Variants in DNAJC8 observed in about 807,000 individuals in gnomAD.
DNAJC8 encodes the protein dnaJ homolog subfamily C member 8.
In DNAJC8, 24 loss-of-function variants were observed where a neutral mutation model predicts 43.2. The observed-to-expected ratio is 0.56, with a 90% CI of 0.40 to 0.78. DNAJC8 has a LOEUF of 0.78. Among genes scored for constraint, DNAJC8 ranks in the 30% least tolerant of loss-of-function variants. DNAJC8 has a pLI of 0.00. For synonymous variants in DNAJC8, 83 were observed against 98.0 expected (o/e 0.85, Z 0.90); for missense variants, 207 against 299.4 (o/e 0.69, Z 2.28).
intron 2 of DNAJC8, among the ~76,000 whole-genome samples, chr1:28,219,225 T>C (rs1646882322): frequency 6.6e-6 from 1 of 151,284 alleles, no homozygotes; most frequent in South Asian, 2.1e-4. Flanking sequence ...AACCCTAAAA[T>C]TGGCCAGGTG....
In DNAJC8 at chr1:28,208,366, A is replaced by G. The variant is rs756671653; in HGVS notation, c.447T>C (p.Ile149=). The G allele has an allele frequency of 1.9e-5, 30 of 1,613,510 alleles. 2 individuals are homozygous for G. The South Asian group carries it at 3.0e-4, about 16-fold the overall frequency. Residue 149 remains isoleucine, a synonymous_variant, in exon 6 of 9, where the codon ATT becomes ATC. Coordinates refer to ENST00000263697, the MANE Select transcript of DNAJC8 (RefSeq NM_014280.3). ...KQLKKEGKPT[I]VEEDDPELFK... is the part of the protein sequence containing the mutation. ...CCAGCTCAGGATCATCCTCCTCTAC[A>G]ATTGTAGGTTTTCCTTCCTTCTTTA...
At chr1:28,210,684 T>G in intron 3 of DNAJC8, 47 bp from the exon 4 acceptor site, 2 of 1,505,146 alleles carry the variant, frequency 1.3e-6, no homozygotes, top group Non-Finnish European at 1.8e-6. Context: ...AAACATTTAC[T>G]AACTTCCAGC....
At chr1:28,214,877 T>C (rs1646840224) in intron 3 of DNAJC8, 63 bp downstream of exon 3, 1 of 1,439,606 alleles carries the variant, frequency 6.9e-7, no homozygotes, top group East Asian at 2.3e-5. Context: ...TAATAGCAAG[T>C]GATAAAAGAA....
intron 5 of DNAJC8, among the ~76,000 whole-genome samples, chr1:28,209,662 C>T (rs146412003): frequency 6.6e-6 from 1 of 152,294 alleles, no homozygotes; most frequent in East Asian, 1.9e-4. Flanking sequence ...TCCACGTTTC[C>T]ACTCTAAGAA....
At chr1:28,204,716 A>C (rs1646757691) in intron 7 of DNAJC8, among the ~76,000 whole-genome samples, 1 of 151,984 alleles carries the variant, frequency 6.6e-6, no homozygotes, top group Non-Finnish European at 1.5e-5. Context: ...AACACACACA[A>C]GGCTCTTGAT....
In DNAJC8 at chr1:28,201,363, C is replaced by T. The variant is rs1204608391; in HGVS notation, c.647G>A (p.Arg216Gln). 3.1e-6 allele frequency: 5 copies of T among 1,613,874 alleles called. No homozygotes were observed. The highest frequency in any genetic ancestry group is 2.2e-5 in the East Asian group (1 of 44,882). Residue 216 changes from arginine (R) to glutamine (Q), a missense_variant, in exon 9 of 9, where the codon CGA becomes CAA. By Grantham distance (43) the Arg-to-Gln change is conservative (BLOSUM62 1). Around this residue, in one of 2 missense-constraint regions of DNAJC8, gnomAD observed 159 missense variants for 267.5 expected, o/e 0.59. Coordinates refer to ENST00000263697, the MANE Select transcript of DNAJC8 (RefSeq NM_014280.3). ...REWQKNFEES[R>Q]DGRVDSWRNF... is the part of the protein sequence containing the mutation. ...TCGCCAGCTGTCCACACGACCATCT[C>T]GACTTTCCTAAGTACAAAAGAAGTT...
chr1:28,208,465 T>C (rs1646786034), intron 5 of DNAJC8, 52 bp from the exon 6 acceptor site: 9 of 1,365,650 alleles, frequency 6.6e-6, no homozygotes, highest in Non-Finnish European at 8.3e-6. Context: ...TTTGAGAATA[T>C]CCACTGGGCT....
chr1:28,219,217 C>A (rs1381579904), intron 2 of DNAJC8, among the ~76,000 whole-genome samples: 2 of 150,872 alleles, frequency 1.3e-5, no homozygotes, highest in Non-Finnish European at 3.0e-5. Flanking sequence ...AAAAAAAAAA[C>A]CCTAAAATTG....
intron 2 of DNAJC8, among the ~76,000 whole-genome samples, chr1:28,221,078 G>T (rs982178773): frequency 6.6e-6 from 1 of 151,816 alleles, no homozygotes; most frequent in Admixed American, 6.6e-5. Context: ...GGTGGCTCAC[G>T]CCTGTAATCC....
intron 4 of DNAJC8, 190 bp from the exon 5 acceptor site, chr1:28,210,256 A>G (rs1174122849): frequency 1.3e-5 from 8 of 605,526 alleles, no homozygotes; most frequent in Middle Eastern, 2.6e-4. Context: ...GGAAAAAATT[A>G]AATATATACT....
intron 3 of DNAJC8, among the ~76,000 whole-genome samples, chr1:28,212,447 T>C (rs2149017567): frequency 6.6e-6 from 1 of 150,662 alleles, no homozygotes; most frequent in Admixed American, 6.7e-5. Context: ...TTTGCTGTTG[T>C]TGTTTTTCGT....
chr1:28,223,096 G>C (rs555974234), intron 2 of DNAJC8, among the ~76,000 whole-genome samples: 1 of 152,212 alleles, frequency 6.6e-6, no homozygotes, highest in Non-Finnish European at 1.5e-5. Context: ...ATGGGGTATG[G>C]AAGCCTGGTA....
intron 3 of DNAJC8, among the ~76,000 whole-genome samples, chr1:28,212,168 A>AATAAATAAATAAATAT (rs35950985): frequency 3.2e-5 from 1 of 31,022 alleles, no homozygotes; most frequent in African/African-American, 9.0e-5. Flanking sequence ...TAAATAAATA[A>AATAAATAAATAAATAT]ATATATATAT....
At chr1:28,203,393 T>C (rs1249633654) in intron 8 of DNAJC8, among the ~76,000 whole-genome samples, 1 of 152,196 alleles carries the variant, frequency 6.6e-6, no homozygotes. Context: ...CAATACTCTA[T>C]GCTTACCCCC....
Position 28,212,168 on chromosome 1 carries a change from A to AATATAT in DNAJC8, c.238-1537_238-1532dup, listed in dbSNP as rs201782610. ...CGGACTCCGTCTCAATAAATAAATA[A>AATATAT]ATATATATATATATATATATATATA... On this transcript the variant is annotated intron_variant, in intron 3 of 8. Coordinates refer to ENST00000263697, the MANE Select transcript of DNAJC8 (RefSeq NM_014280.3). Among the ~76,000 whole-genome samples, 124 of 30,742 alleles carry AATATAT rather than the reference A, an allele frequency of 4.0e-3. 1 individual carries two copies. The highest frequency in any genetic ancestry group is 5.7e-3 in the South Asian group (4 of 696). The allele number at this position is 30,742 out of a possible 152,430, so 20.2% of individuals were successfully genotyped here. A position where few individuals can be genotyped will look rare whatever the true frequency, so the allele number is the denominator to read the frequency against.
In DNAJC8 at chr1:28,210,647, G is replaced by A. The variant is rs370541386; in HGVS notation, c.238-10C>T. ...GCACCAAGATGGATAACTACAATAA[G>A]AGAAAAGTTGGGGTTGTCAATAAGG... On this transcript the variant is annotated splice_polypyrimidine_tract_variant and intron_variant, in intron 3 of 8. Coordinates refer to ENST00000263697, the MANE Select transcript of DNAJC8 (RefSeq NM_014280.3). The A allele has an allele frequency of 1.1e-5, 18 of 1,612,694 alleles. No homozygotes were observed. Among genetic ancestry groups the A allele is most frequent in the East Asian group, 2.2e-5 (1 of 44,854 alleles).
chr1:28,224,175 A>C (rs1472511218), intron 2 of DNAJC8, among the ~76,000 whole-genome samples: 1 of 152,220 alleles, frequency 6.6e-6, no homozygotes, highest in Non-Finnish European at 1.5e-5. Flanking sequence ...AAATGAACTA[A>C]AATTTTGATA....
At chr1:28,215,988 C>T (rs945575202) in intron 2 of DNAJC8, among the ~76,000 whole-genome samples, 3 of 151,970 alleles carry the variant, frequency 2.0e-5, no homozygotes, top group Admixed American at 2.0e-4. Flanking sequence ...GCCTCTTGAG[C>T]AACTAGGACT....
chr1:28,209,855 A>G (rs1242089778), intron 5 of DNAJC8, 117 bp downstream of exon 5: 1 of 831,386 alleles, frequency 1.2e-6, no homozygotes. Flanking sequence ...GGTAGAGAGC[A>G]CAGAAGTAGC....
Sources: gnomAD v4.1 joint callset for allele counts (sites outside exome capture counted in the v4.1 genomes callset) on GRCh38, gnomAD v4.1.1 for gene constraint, gnomAD v4.1.1 regional missense constraint, MANE v1.5 for transcripts, NCBI Gene and HGNC (gene_info 2026-07-23, HGNC 2026-07-21) for gene names.